APLNR: variants seen among roughly 807,000 people sequenced by gnomAD.
The protein encoded by APLNR is APJ (apelin) receptor.
APLNR carries 13 observed loss-of-function variants against 23.4 expected under a neutral mutation model. That is an observed-to-expected ratio of 0.56 (90% CI 0.36 to 0.88). The LOEUF is 0.88. Ranked by LOEUF, APLNR falls within the 40% of genes least tolerant of loss-of-function variation. APLNR has a pLI of 0.01. For missense variants in APLNR, 480 were observed against 517.1 expected (o/e 0.93, Z 0.70); for synonymous variants, 234 against 211.9 (o/e 1.10, Z -0.91).
chr11:57,236,761 G>A lies in APLNR; in HGVS notation c.244C>T (p.Leu82=), dbSNP rs745605251. The A allele has an allele frequency of 6.2e-7, 1 of 1,614,154 alleles. No individual in the cohort carries two copies. Among genetic ancestry groups the A allele is most frequent in the Non-Finnish European group, 8.5e-7 (1 of 1,180,048 alleles). ...TACGTGTAGGTAGCCCACAGGGGCA[G>A]CGTCACCACGAAGGTCAGGTCAGCC... The part of the protein sequence containing the change: ...AVADLTFVVT[L]PLWATYTYRD... The change falls in exon 1 of 1, where the codon CTG becomes TTG. Residue 82 remains leucine, a synonymous_variant. Transcript: ENST00000606794.
At position 57,234,053 on chromosome 11, in the gene APLNR, G is replaced by T. The variant is rs148620821; in HGVS notation, c.*1809C>A. The stretch of plus-strand genomic sequence containing the variant: ...TCATAGTCCTCCAAGAACAAAACCC[G>T]GAATAGACACTCCCAGCCTCTAGCT... On this transcript the variant is annotated 3_prime_UTR_variant, in exon 1 of 1. Coordinates refer to ENST00000606794, the MANE Select transcript of APLNR (RefSeq NM_005161.6). The T allele has an allele frequency of 3.3e-5, 5 of 152,176 alleles. No individual in the cohort carries two copies. The highest frequency in any genetic ancestry group is 5.9e-5 in the Non-Finnish European group (4 of 68,102). The allele number at this position is 152,176 out of a possible 1,614,324, so 9.4% of individuals were successfully genotyped here. A position where few individuals can be genotyped will look rare whatever the true frequency, so the allele number is the denominator to read the frequency against.
chr11:57,236,374 C>A lies in APLNR; in HGVS notation c.631G>T (p.Val211Leu), dbSNP rs748576901. The stretch of plus-strand genomic sequence containing the variant: ...GTCAGCATGATGGTGAAGGGCACCA[C>A]AAAGCCCACGGTGGTGGACGAGACC... ...LGVSSTTVGF[V>L]VPFTIMLTCY... Residue 211 changes from valine to leucine, a missense_variant, in exon 1 of 1, where the codon GTG becomes TTG. Coordinates refer to ENST00000606794, the MANE Select transcript of APLNR (RefSeq NM_005161.6). The A allele has an allele frequency of 3.7e-6, 6 of 1,613,950 alleles. No individual in the cohort carries two copies. In the East Asian group the frequency reaches 1.3e-4, roughly 36 times the overall value.
In APLNR at chr11:57,234,129, G is replaced by A. The variant is rs1409821851; in HGVS notation, c.*1733C>T. ...TCCTCACGGTCTCTCTGGCAGTGTA[G>A]ACATCATGCTATCTGCACACTTGCT... is the stretch of plus-strand genomic sequence containing the variant. On this transcript the variant is annotated 3_prime_UTR_variant, in exon 1 of 1. Transcript: ENST00000606794. 6.6e-6 allele frequency: 1 copy of A among 152,300 alleles called. No individual in the cohort carries two copies. Among genetic ancestry groups the A allele is most frequent in the Non-Finnish European group, 1.5e-5 (1 of 68,142 alleles). 9.4% of individuals were successfully genotyped at this position (152,300 alleles called of 1,614,324 possible). A position where few individuals can be genotyped will look rare whatever the true frequency, so the allele number is the denominator to read the frequency against.
chr11:57,236,066 G>A lies in APLNR; in HGVS notation c.939C>T (p.Asp313=), dbSNP rs542342615. 5.6e-6 allele frequency: 9 copies of A among 1,614,226 alleles called. No homozygotes were observed. The highest frequency in any genetic ancestry group is 3.3e-5 in the South Asian group (3 of 91,084). The change falls in exon 1 of 1, where the codon GAC becomes GAT. Residue 313 remains aspartate, a synonymous_variant. Coordinates refer to ENST00000606794, the MANE Select transcript of APLNR (RefSeq NM_005161.6). ...AGGTGCAGGCCTGGCGGAAGCGGGGGTCGAAAAAGGCATAGAGGAAGGGGT... is the reference window on the plus strand; with the variant it reads ...AGGTGCAGGCCTGGCGGAAGCGGGGATCGAAAAAGGCATAGAGGAAGGGGT... ...CLNPFLYAFF[D]PRFRQACTSM...
rs1315517697 is a variant in APLNR, at chr11:57,236,419, C to G, written c.586G>C (p.Ala196Pro). 6.2e-7 allele frequency: 1 copy of G among 1,614,190 alleles called. No individual in the cohort carries two copies. Among genetic ancestry groups the G allele is most frequent in the Admixed American group, 1.7e-5 (1 of 60,028 alleles). The change falls in exon 1 of 1, where the codon GCC becomes CCC. Residue 196 changes from alanine (A) to proline (P), a missense_variant. Coordinates refer to ENST00000606794, the MANE Select transcript of APLNR (RefSeq NM_005161.6). ...GAGACCCCAAGGCCCACCTCCCAGG[C>G]CCACTCTGAGCTCACAGTGGCCACC... ...SMVATVSSEW[A>P]WEVGLGVSST...
In APLNR at chr11:57,236,983, C is replaced by CA; in HGVS notation, c.21dup (p.Asp8Ter). ...TGGTTGTCTGCCCCATAGTAGTTGT[C>CA]AAAATCACCACCTTCCTCCATGCTG... On this transcript the variant is annotated frameshift_variant, in exon 1 of 1. Transcript: ENST00000606794. LOFTEE classifies it high-confidence loss of function. 1.3e-6 allele frequency: 2 copies of CA among 1,596,404 alleles called. No individual in the cohort carries two copies. The highest frequency in any genetic ancestry group is 1.7e-6 in the Non-Finnish European group (2 of 1,170,608).
rs1855028963 is a variant in APLNR, at chr11:57,237,147, C to G, written c.-143G>C. On this transcript the variant is annotated 5_prime_UTR_variant, in exon 1 of 1. Transcript: ENST00000606794. ...TGAAGATGCCCAGAGTCCTTCCCAGCACTCAGGAGGAGCTGCCTCTGGGTT... is the reference window on the plus strand; with the variant it reads ...TGAAGATGCCCAGAGTCCTTCCCAGGACTCAGGAGGAGCTGCCTCTGGGTT... 1 of 841,750 alleles carries G rather than the reference C, an allele frequency of 1.2e-6. No individual in the cohort carries two copies. Among genetic ancestry groups the G allele is most frequent in the African/African-American group, 1.7e-5 (1 of 57,978 alleles). 52.1% of individuals were successfully genotyped at this position (841,750 alleles called of 1,614,324 possible). A position where few individuals can be genotyped will look rare whatever the true frequency, so the allele number is the denominator to read the frequency against.
chr11:57,235,612 T>G lies in APLNR; in HGVS notation c.*250A>C. 2.3e-6 allele frequency: 1 copy of G among 438,914 alleles called. No individual in the cohort carries two copies. The highest frequency in any genetic ancestry group is 4.0e-6 in the Non-Finnish European group (1 of 250,796). 27.2% of individuals were successfully genotyped at this position (438,914 alleles called of 1,614,324 possible). A position where few individuals can be genotyped will look rare whatever the true frequency, so the allele number is the denominator to read the frequency against. On this transcript the variant is annotated 3_prime_UTR_variant, in exon 1 of 1. Transcript: ENST00000606794. ...ATGACTTTCCCCCATTTCATACCAA[T>G]GGAGAAACTGAGGCTGAGTGAGATT... is the stretch of plus-strand genomic sequence containing the variant.
rs779214361 is a variant in APLNR, at chr11:57,236,839, T to C, written c.166A>G (p.Ser56Gly). Residue 56 changes from serine (S) to glycine (G), a missense_variant, in exon 1 of 1, where the codon AGC becomes GGC. Physicochemically the swap from Ser to Gly is moderately conservative, Grantham distance 56 (BLOSUM62 0). Transcript: ENST00000606794. ...NGLVLWTVFR[S>G]SREKRRSADI... ...GCTGAGCGCCTCTTCTCCCGGCTGC[T>C]CCGAAACACGGTCCAGAGCACCAGA... 2 of 1,614,062 alleles carry C rather than the reference T, an allele frequency of 1.2e-6. No homozygotes were observed. The highest frequency in any genetic ancestry group is 2.2e-5 in the South Asian group (2 of 91,080).
At position 57,236,263 on chromosome 11, in the gene APLNR, T is replaced by A; in HGVS notation, c.742A>T (p.Ser248Cys). 6.2e-7 allele frequency: 1 copy of A among 1,614,112 alleles called. No homozygotes were observed. The highest frequency in any genetic ancestry group is 2.2e-5 in the East Asian group (1 of 44,888). ...EGLRKRRRLL[S>C]IIVVLVVTFA... ...GTCACCACCAGCACCACGATGATGC[T>A]GAGCAGCCGGCGCCGCTTCCGCAGG... The change falls in exon 1 of 1, where the codon AGC (serine) becomes TGC (cysteine). Residue 248 changes from serine to cysteine, a missense_variant. By Grantham distance (112) the Ser-to-Cys change is moderately radical. Coordinates refer to ENST00000606794, the MANE Select transcript of APLNR (RefSeq NM_005161.6).
rs960046527 is a variant in APLNR at position 57,235,585 on chromosome 11, A to G, written c.*277T>C. On this transcript the variant is annotated 3_prime_UTR_variant, in exon 1 of 1. Transcript: ENST00000606794. ...CTCAGGCTTCAACATTTTAGGATCA[A>G]TATGACTTTCCCCCATTTCATACCA... The G allele has an allele frequency of 2.7e-5, 10 of 370,516 alleles. No individual in the cohort carries two copies. The highest frequency in any genetic ancestry group is 3.8e-5 in the Non-Finnish European group (8 of 207,896). 23.0% of individuals were successfully genotyped at this position (370,516 alleles called of 1,614,324 possible). A position where few individuals can be genotyped will look rare whatever the true frequency, so the allele number is the denominator to read the frequency against.
In APLNR at chr11:57,234,774, T is replaced by A. The variant is rs1262499415; in HGVS notation, c.*1088A>T. 3 of 152,114 alleles carry A rather than the reference T, an allele frequency of 2.0e-5. No individual in the cohort carries two copies. The highest frequency in any genetic ancestry group is 4.4e-5 in the Non-Finnish European group (3 of 68,072). The allele number at this position is 152,114 out of a possible 1,614,324, so 9.4% of individuals were successfully genotyped here. ...CACAGACAAGAGGCAGGCATCTCCA[T>A]CCCAAACAACATGATTCTTGGCACC... On this transcript the variant is annotated 3_prime_UTR_variant, in exon 1 of 1. Coordinates refer to ENST00000606794, the MANE Select transcript of APLNR (RefSeq NM_005161.6).
rs767911833 is a variant in APLNR, at chr11:57,236,068, C to G, written c.937G>C (p.Asp313His). Residue 313 changes from aspartate (D) to histidine (H), a missense_variant, in exon 1 of 1, where the codon GAC becomes CAC. Transcript: ENST00000606794. ...GTGCAGGCCTGGCGGAAGCGGGGGT[C>G]GAAAAAGGCATAGAGGAAGGGGTTG... ...CLNPFLYAFF[D>H]PRFRQACTSM... 1 of 1,614,046 alleles carries G rather than the reference C, an allele frequency of 6.2e-7. No individual in the cohort carries two copies. The highest frequency in any genetic ancestry group is 2.2e-5 in the East Asian group (1 of 44,866).
Position 57,236,745 on chromosome 11 carries a change from G to A in APLNR, c.260C>T (p.Thr87Ile). 2.5e-6 allele frequency: 4 copies of A among 1,614,048 alleles called. No individual in the cohort carries two copies. In the South Asian group the frequency reaches 3.3e-5, roughly 13 times the overall value. Reference protein sequence around the residue: ...TFVVTLPLWATYTYRDYDWPF... With the variant: ...TFVVTLPLWAIYTYRDYDWPF... ...CCAGTCATAGTCCCGGTACGTGTAG[G>A]TAGCCCACAGGGGCAGCGTCACCAC... The change falls in exon 1 of 1, where the codon ACC becomes ATC. Residue 87 changes from threonine to isoleucine, a missense_variant. Transcript: ENST00000606794.
In APLNR at chr11:57,236,287, G is replaced by T. The variant is rs1164709176; in HGVS notation, c.718C>A (p.Leu240Met). The T allele has an allele frequency of 2.5e-6, 4 of 1,614,062 alleles. No homozygotes were observed. Among genetic ancestry groups the T allele is most frequent in the Non-Finnish European group, 3.4e-6 (4 of 1,180,034 alleles). The change falls in exon 1 of 1, where the codon CTG (leucine) becomes ATG (methionine). Residue 240 changes from leucine (L) to methionine (M), a missense_variant. Physicochemically the swap from Leu to Met is conservative, Grantham distance 15 (BLOSUM62 2). Transcript: ENST00000606794. ...CTGAGCAGCCGGCGCCGCTTCCGCA[G>T]GCCCTCGATGCGTTCCTTGCGGAAG... The part of the protein sequence containing the change: ...GHFRKERIEG[L>M]RKRRRLLSII...
rs758079082 is a variant in APLNR, at chr11:57,237,236, C to T, written c.-232G>A. 2.1e-5 allele frequency: 11 copies of T among 530,340 alleles called. No homozygotes were observed. The highest frequency in any genetic ancestry group is 3.4e-5 in the Non-Finnish European group (10 of 294,996). 32.9% of individuals were successfully genotyped at this position (530,340 alleles called of 1,614,324 possible). ...CCTCCACCCTCTCTTGCCTTACCCC[C>T]GTCTCAGTTAAGACACTTCCTTGCA... On this transcript the variant is annotated 5_prime_UTR_variant, in exon 1 of 1. Transcript: ENST00000606794.
In APLNR at chr11:57,236,726, A is replaced by G; in HGVS notation, c.279T>C (p.Tyr93=). The G allele has an allele frequency of 6.2e-7, 1 of 1,613,830 alleles. No homozygotes were observed. The highest frequency in any genetic ancestry group is 8.5e-7 in the Non-Finnish European group (1 of 1,180,036). Residue 93 remains tyrosine (Y), a synonymous_variant, in exon 1 of 1, where the codon TAT becomes TAC. Coordinates refer to ENST00000606794, the MANE Select transcript of APLNR (RefSeq NM_005161.6). ...PLWATYTYRD[Y]DWPFGTFFCK... Reference sequence around the variant, plus strand: ...AGAAGAAGGTCCCAAAGGGCCAGTCATAGTCCCGGTACGTGTAGGTAGCCC... The same window carrying G: ...AGAAGAAGGTCCCAAAGGGCCAGTCGTAGTCCCGGTACGTGTAGGTAGCCC...
Position 57,236,486 on chromosome 11 carries a change from C to G in APLNR, c.519G>C (p.Leu173Phe). 1 of 1,614,220 alleles carries G rather than the reference C, an allele frequency of 6.2e-7. No individual in the cohort carries two copies. Among genetic ancestry groups the G allele is most frequent in the Non-Finnish European group, 8.5e-7 (1 of 1,180,030 alleles). Residue 173 changes from leucine to phenylalanine, a missense_variant, in exon 1 of 1, where the codon TTG (leucine) becomes TTC (phenylalanine). Physicochemically the swap from Leu to Phe is conservative, Grantham distance 22. Transcript: ENST00000606794. ...PVMVLRTTGDLENTTKVQCYM... is the reference protein window; with the variant it reads ...PVMVLRTTGDFENTTKVQCYM... Reference sequence around the variant, plus strand: ...AGCACTGCACCTTAGTGGTGTTCTCCAAGTCCCCGGTGGTGCGTAACACCA... The same window carrying G: ...AGCACTGCACCTTAGTGGTGTTCTCGAAGTCCCCGGTGGTGCGTAACACCA...
rs1032924997 is a variant in APLNR, at chr11:57,233,683, G to T, written c.*2179C>A. ...GAAGAAGGCACTGGGGGAGGTAAGG[G>T]GGTATCACAGCAGGCAGCCTCCTCT... On this transcript the variant is annotated 3_prime_UTR_variant, in exon 1 of 1. Transcript: ENST00000606794. The T allele has an allele frequency of 6.6e-6, 1 of 152,408 alleles. No homozygotes were observed. Among genetic ancestry groups the T allele is most frequent in the Non-Finnish European group, 1.5e-5 (1 of 68,204 alleles). The allele number at this position is 152,408 out of a possible 1,614,324, so 9.4% of individuals were successfully genotyped here. A position where few individuals can be genotyped will look rare whatever the true frequency, so the allele number is the denominator to read the frequency against.
Sources: gnomAD v4.1 joint callset for allele counts on GRCh38, gnomAD v4.1.1 for gene constraint, MANE v1.5 for transcripts, NCBI Gene and HGNC (gene_info 2026-07-23, HGNC 2026-07-21) for gene names.